The following METTL4 variants were observed in gnomAD, a reference collection of about 807,000 sequenced individuals.
METTL4 encodes the protein N(6)-adenine-specific methyltransferase METTL4.
METTL4 carries 40 observed loss-of-function variants against 54.0 expected under a neutral mutation model. The observed-to-expected ratio is 0.74, with a 90% CI of 0.58 to 0.96. The LOEUF (loss-of-function observed/expected upper bound fraction) is 0.96, where lower values mean the gene tolerates loss of function less well. METTL4 is among the 50% of genes least tolerant of loss of function. METTL4 has a pLI of 0.00. For synonymous variants in METTL4, 169 were observed against 183.8 expected (o/e 0.92, Z 0.65); for missense variants, 525 against 549.0 (o/e 0.96, Z 0.44).
intron 2 of METTL4, among the ~76,000 whole-genome samples, chr18:2,565,014 A>G (rs1050676450): frequency 6.6e-6 from 1 of 152,198 alleles, no homozygotes; most frequent in Non-Finnish European, 1.5e-5. Context: ...GGGACTGGGC[A>G]TGGTGGCTCA....
At chr18:2,539,440 A>G (rs142392041) in intron 8 of METTL4, among the ~76,000 whole-genome samples, 79 of 151,418 alleles carry the variant, frequency 5.2e-4, no homozygotes, top group Non-Finnish European at 6.0e-4. Context: ...CAGTTTTCCA[A>G]TACTGCTGAT....
At chr18:2,540,283 AAT>A in intron 8 of METTL4, 1 of 984,090 alleles carries the variant, frequency 1.0e-6, no homozygotes. Flanking sequence ...ACCTAATAGG[AAT>A]TTGGTATAAA....
intron 3 of METTL4, among the ~76,000 whole-genome samples, chr18:2,560,986 C>G (rs757574714): frequency 6.6e-6 from 1 of 151,880 alleles, no homozygotes; most frequent in Non-Finnish European, 1.5e-5. Context: ...TAGGAAAAAT[C>G]TATTCAGTCT....
At chr18:2,556,343 A>G (rs535688966) in intron 3 of METTL4, among the ~76,000 whole-genome samples, 21 of 152,200 alleles carry the variant, frequency 1.4e-4, no homozygotes, top group Non-Finnish European at 2.2e-4. Context: ...TGCTCTGATC[A>G]TAACTAAATG....
chr18:2,538,773 C>T lies in METTL4; in HGVS notation c.*227G>A. On this transcript the variant is annotated 3_prime_UTR_variant, in exon 9 of 9. Transcript: ENST00000574538. ...TCTTGCCGTCTTTATAACTGCTTACCACTTAATTTGTATAGTCTAGAATAA... is the reference window on the plus strand; with the variant it reads ...TCTTGCCGTCTTTATAACTGCTTACTACTTAATTTGTATAGTCTAGAATAA... 2.1e-6 allele frequency: 1 copy of T among 487,134 alleles called. No individual in the cohort carries two copies. The highest frequency in any genetic ancestry group is 3.6e-6 in the Non-Finnish European group (1 of 276,474). The allele number at this position is 487,134 out of a possible 1,614,324, so 30.2% of individuals were successfully genotyped here.
chr18:2,567,032 A>G lies in METTL4; in HGVS notation c.185T>C (p.Phe62Ser). The G allele has an allele frequency of 1.9e-6, 3 of 1,614,108 alleles. No homozygotes were observed. Among genetic ancestry groups the G allele is most frequent in the Non-Finnish European group, 2.5e-6 (3 of 1,179,970 alleles). Residue 62 changes from phenylalanine (F) to serine (S), a missense_variant, in exon 2 of 9, where the codon TTT becomes TCT. Phe to Ser is a radical substitution (Grantham distance 155). Transcript: ENST00000574538. ...CTTAGTGGAAGAGTCAGAAGCAATA[A>G]ATGCAGCACAGACTCCAGAGGAGGA... Reference protein sequence around the residue: ...SVSSSGVCAAFIASDSSTKPE... With the variant: ...SVSSSGVCAASIASDSSTKPE...
chr18:2,549,603 T>C (rs1375136244), intron 5 of METTL4, among the ~76,000 whole-genome samples: 2 of 152,008 alleles, frequency 1.3e-5, no homozygotes, highest in African/African-American at 4.8e-5. Context: ...AGTAAATGAC[T>C]TCCTAATGGC....
At chr18:2,560,128 A>T (rs1251449978) in intron 3 of METTL4, among the ~76,000 whole-genome samples, 1 of 152,186 alleles carries the variant, frequency 6.6e-6, no homozygotes, top group Non-Finnish European at 1.5e-5. Flanking sequence ...TCTATTAAAA[A>T]ACCTGATTTT....
intron 5 of METTL4, among the ~76,000 whole-genome samples, chr18:2,551,155 C>T (rs934560744): frequency 7.8e-6 from 1 of 127,918 alleles, no homozygotes; most frequent in Non-Finnish European, 1.6e-5. Context: ...CAGAACGAGA[C>T]TCCGTCTCAA....
Position 2,567,217 on chromosome 18 carries a change from TC to T in METTL4, c.-2del. ...CTGACAACTGGTGTACCACAGACAT[TC>T]CCTTCCTTTAAAAAAGCCTCTGGGA... On this transcript the variant is annotated 5_prime_UTR_variant, in exon 2 of 9. Coordinates refer to ENST00000574538, the MANE Select transcript of METTL4 (RefSeq NM_022840.5). 6.4e-7 allele frequency: 1 copy of T among 1,558,994 alleles called. No homozygotes were observed. The highest frequency in any genetic ancestry group is 2.3e-5 in the East Asian group (1 of 44,290).
rs888938314 is a variant in METTL4, at chr18:2,552,971, T to C, written c.830-207A>G. On this transcript the variant is annotated intron_variant, in intron 4 of 8. Coordinates refer to ENST00000574538, the MANE Select transcript of METTL4 (RefSeq NM_022840.5). Reference sequence around the variant, plus strand: ...CTTTACCTCTAGAATTGTATCATAATGTTACCTATTGCAATTGTTGCAGAG... The same window carrying C: ...CTTTACCTCTAGAATTGTATCATAACGTTACCTATTGCAATTGTTGCAGAG... 8 of 494,618 alleles carry C rather than the reference T, an allele frequency of 1.6e-5. No homozygotes were observed. The Admixed American group carries it at 2.7e-4, about 17-fold the overall frequency. 30.6% of individuals were successfully genotyped at this position (494,618 alleles called of 1,614,324 possible).
At chr18:2,562,587 C>T (rs1311032699) in intron 3 of METTL4, among the ~76,000 whole-genome samples, 1 of 152,122 alleles carries the variant, frequency 6.6e-6, no homozygotes. Context: ...AAATATTATT[C>T]GCCCTTAAAA....
At chr18:2,556,052 A>C (rs2072234273) in intron 3 of METTL4, among the ~76,000 whole-genome samples, 1 of 152,204 alleles carries the variant, frequency 6.6e-6, no homozygotes, top group African/African-American at 2.4e-5. Flanking sequence ...GAGAGGAGAC[A>C]GCACAGACAG....
At chr18:2,560,103 CT>C (rs2072293898) in intron 3 of METTL4, among the ~76,000 whole-genome samples, 2 of 152,008 alleles carry the variant, frequency 1.3e-5, no homozygotes, top group African/African-American at 4.8e-5. Context: ...AACAAAAAAC[CT>C]GAAAATCCGG....
chr18:2,560,701 C>T (rs1197244012), intron 3 of METTL4, among the ~76,000 whole-genome samples: 1 of 152,088 alleles, frequency 6.6e-6, no homozygotes, highest in Non-Finnish European at 1.5e-5. Flanking sequence ...CACAGTGAAA[C>T]CCCGTGTCTA....
intron 7 of METTL4, 140 bp downstream of exon 7, chr18:2,544,513 T>C: frequency 3.1e-6 from 2 of 649,108 alleles, no homozygotes; most frequent in Non-Finnish European, 2.6e-6. Context: ...TCCTGTGCCA[T>C]ACCATCCATT....
At position 2,544,219 on chromosome 18, in the gene METTL4, G is replaced by C. The variant is rs757704802; in HGVS notation, c.1249C>G (p.His417Asp). The C allele has an allele frequency of 1.9e-6, 3 of 1,610,978 alleles. No individual in the cohort carries two copies. Among genetic ancestry groups the C allele is most frequent in the Non-Finnish European group, 2.5e-6 (3 of 1,178,926 alleles). Residue 417 changes from histidine (H) to aspartate (D), a missense_variant, in exon 8 of 9, where the codon CAC (histidine) becomes GAC (aspartate). By Grantham distance (81) the His-to-Asp change is moderately conservative. Coordinates refer to ENST00000574538, the MANE Select transcript of METTL4 (RefSeq NM_022840.5). ...KLIVSVPCTL[H>D]SHKPPLAEVL... ...CCAGCAAGCGGTGGCTTATGTGAGT[G>C]AAGAGTACAGGGCACGCTGACAATT... is the stretch of plus-strand genomic sequence containing the variant.
At chr18:2,545,296 T>G (rs2072054572) in intron 6 of METTL4, among the ~76,000 whole-genome samples, 1 of 152,158 alleles carries the variant, frequency 6.6e-6, no homozygotes, top group Non-Finnish European at 1.5e-5. Flanking sequence ...CATCAGTAAT[T>G]TATTAGTTCA....
intron 6 of METTL4, among the ~76,000 whole-genome samples, chr18:2,545,739 C>T (rs1448749116): frequency 6.6e-6 from 1 of 152,034 alleles, no homozygotes. Context: ...CAATCAGACA[C>T]AGCATATCCT....
Sources: gnomAD v4.1 joint callset for allele counts (sites outside exome capture counted in the v4.1 genomes callset) on GRCh38, gnomAD v4.1.1 for gene constraint, MANE v1.5 for transcripts, NCBI Gene and HGNC (gene_info 2026-07-23, HGNC 2026-07-21) for gene names.